Variants in WRN observed in about 807,000 individuals in gnomAD.
WRN encodes WRN RecQ like helicase, also known as bifunctional 3'-5' exonuclease/ATP-dependent helicase WRN.
WRN carries 149 observed loss-of-function variants against 180.7 expected under a neutral mutation model. That is an observed-to-expected ratio of 0.82 (90% confidence interval 0.72 to 0.94). The LOEUF is 0.94. WRN is among the 40% of genes least tolerant of loss of function. The pLI is 0.00. For missense variants in WRN, 1,661 were observed against 1,700.1 expected, an observed-to-expected ratio of 0.98 and a Z score of 0.40; for synonymous variants, 548 against 568.9, an observed-to-expected ratio of 0.96 and a Z score of 0.52.
chr8:31,127,782 G>A (rs911308077), intron 23 of WRN, among the ~76,000 whole-genome samples: 7 of 151,962 alleles, frequency 4.6e-5, no homozygotes, highest in Non-Finnish European at 1.0e-4. Context: ...AAATTAGCTA[G>A]GCATAGCATT....
chr8:31,067,173 T>A lies in WRN; in HGVS notation c.645T>A (p.Thr215=), dbSNP rs746256937. The part of the protein sequence containing the change: ...LTEDQKLYAA[T]DAYAGFIIYR... Reference sequence around the variant, plus strand: ...AGGACCAGAAACTGTATGCAGCCACTGATGCTTATGTACGTGCTTAAAGAT... The same window carrying A: ...AGGACCAGAAACTGTATGCAGCCACAGATGCTTATGTACGTGCTTAAAGAT... The change falls in exon 6 of 35, where the codon ACT becomes ACA. Residue 215 remains threonine, a synonymous_variant. Coordinates refer to ENST00000298139, the MANE Select transcript of WRN (RefSeq NM_000553.6). The A allele has an allele frequency of 3.7e-6, 6 of 1,613,734 alleles. No homozygotes were observed. The South Asian group carries it at 6.6e-5, about 18-fold the overall frequency.
At chr8:31,145,745 A>G (rs1802834377) in intron 28 of WRN, among the ~76,000 whole-genome samples, 2 of 152,150 alleles carry the variant, frequency 1.3e-5, no homozygotes, top group African/African-American at 2.4e-5. Flanking sequence ...AATATTCACT[A>G]TTCTAGAAGT....
At chr8:31,076,842 T>C (rs1170803808) in intron 8 of WRN, among the ~76,000 whole-genome samples, 1 of 152,194 alleles carries the variant, frequency 6.6e-6, no homozygotes, top group Non-Finnish European at 1.5e-5. Flanking sequence ...ACTAGGTAAC[T>C]TAAAAAATTT....
rs183710459 is a variant in WRN, at chr8:31,087,533, A to G, written c.1432-243A>G. 370 of 434,868 alleles carry G rather than the reference A, an allele frequency of 8.5e-4. 2 individuals carry two copies. The highest frequency in any genetic ancestry group is 7.0e-3 in the African/African-American group (353 of 50,476). 26.9% of individuals were successfully genotyped at this position (434,868 alleles called of 1,614,324 possible). ...TGATAGCTTTCCCCAGGGGCAGTTT[A>G]TTATATGCTATTAATGAGCCTTGTT... On this transcript the variant is annotated intron_variant, in intron 11 of 34. Transcript: ENST00000298139.
In WRN at chr8:31,120,241, A is replaced by C. The variant is rs1585483030; in HGVS notation, c.2449-2A>C. 2 of 1,612,508 alleles carry C rather than the reference A, an allele frequency of 1.2e-6. No homozygotes were observed. Among genetic ancestry groups the C allele is most frequent in the Non-Finnish European group, 1.7e-6 (2 of 1,178,732 alleles). ...TCAAACTGTGTTGTGATTTGTTCTC[A>C]GTGTGTCATAGCTACCATAGCTTTT... On this transcript the variant is annotated splice_acceptor_variant, in intron 20 of 34. Coordinates refer to ENST00000298139, the MANE Select transcript of WRN (RefSeq NM_000553.6). LOFTEE classifies it high-confidence loss of function.
rs750737389 is a variant in WRN, at chr8:31,147,107, G to A, written c.3438G>A (p.Ser1146=). The A allele has an allele frequency of 9.3e-6, 15 of 1,613,570 alleles. No homozygotes were observed. The highest frequency in any genetic ancestry group is 2.2e-5 in the South Asian group (2 of 91,054). ...ACAGTTCCTCACAGCCTGTTATTTC[G>A]GCACAAGAGCAGGAGACTCAGGTAA... The part of the protein sequence containing the change: ...KAYSSSQPVI[S]AQEQETQIVL... Residue 1146 remains serine (S), a synonymous_variant, in exon 29 of 35, where the codon TCG becomes TCA. Transcript: ENST00000298139.
intron 16 of WRN, among the ~76,000 whole-genome samples, chr8:31,093,603 T>C (rs1385539557): frequency 6.6e-6 from 1 of 152,204 alleles, no homozygotes; most frequent in African/African-American, 2.4e-5. Flanking sequence ...TCTAAGCATT[T>C]TAAATCACCT....
intron 7 of WRN, among the ~76,000 whole-genome samples, chr8:31,069,173 A>T (rs1812817846): frequency 6.6e-6 from 1 of 152,266 alleles, no homozygotes; most frequent in Admixed American, 6.5e-5. Context: ...GATGTTAATT[A>T]AATTAGGCCA....
At chr8:31,093,287 G>A (rs1038204467) in intron 16 of WRN, among the ~76,000 whole-genome samples, 25 of 152,104 alleles carry the variant, frequency 1.6e-4, no homozygotes, top group Admixed American at 1.4e-3. Flanking sequence ...TGACTGGATC[G>A]TGTGGTGGAT....
At chr8:31,127,681 G>A (rs1801980850) in intron 23 of WRN, among the ~76,000 whole-genome samples, 3 of 152,128 alleles carry the variant, frequency 2.0e-5, no homozygotes, top group Admixed American at 2.0e-4. Flanking sequence ...GGAGGCTGAG[G>A]TGGGAGGATC....
intron 30 of WRN, 48 bp from the exon 31 acceptor site, chr8:31,150,293 G>A: frequency 6.9e-7 from 1 of 1,449,030 alleles, no homozygotes; most frequent in Non-Finnish European, 9.7e-7. Flanking sequence ...TACTGTTTCA[G>A]TGGTTTCTTG....
chr8:31,042,784 G>C (rs921413560), intron 1 of WRN, among the ~76,000 whole-genome samples: 1 of 152,180 alleles, frequency 6.6e-6, no homozygotes, highest in Non-Finnish European at 1.5e-5. Flanking sequence ...CTATCCTATA[G>C]AAATGATAGG....
chr8:31,059,127 C>T (rs765851196), intron 2 of WRN, 26 bp from the exon 3 acceptor site: 2 of 1,538,296 alleles, frequency 1.3e-6, no homozygotes, highest in African/African-American at 1.4e-5. Context: ...AACTTTGTGC[C>T]TGTTTTGAAA....
rs1802735524 is a variant in WRN at position 31,143,362 on chromosome 8, A to G, written c.3310-188A>G. Among the ~76,000 whole-genome samples, 15 of 152,268 alleles carry G rather than the reference A, an allele frequency of 9.9e-5. No homozygotes were observed. The South Asian group carries it at 3.1e-3, about 32-fold the overall frequency. On this transcript the variant is annotated intron_variant, in intron 27 of 34. Coordinates refer to ENST00000298139, the MANE Select transcript of WRN (RefSeq NM_000553.6). ...AGTTTTGGGAGAGATAAGACATTGG[A>G]ATGCGTTTCTAACTACCTTTAGAAC...
chr8:31,168,236 GA>G (rs1332828999), intron 34 of WRN, among the ~76,000 whole-genome samples: 4 of 151,994 alleles, frequency 2.6e-5, no homozygotes, highest in African/African-American at 7.2e-5. Context: ...GAACATTAAA[GA>G]AAACATATTT....
At chr8:31,138,976 G>T (rs1374381330) in intron 24 of WRN, among the ~76,000 whole-genome samples, 1 of 152,070 alleles carries the variant, frequency 6.6e-6, no homozygotes, top group African/African-American at 2.4e-5. Context: ...AGTAGTAAAT[G>T]ACATAAGCAT....
chr8:31,094,445 A>T (rs1194425235), intron 16 of WRN, among the ~76,000 whole-genome samples: 1 of 151,262 alleles, frequency 6.6e-6, no homozygotes, highest in African/African-American at 2.4e-5. Flanking sequence ...TCCTGGGCTC[A>T]ATTGATCCTC....
At chr8:31,050,627 G>T (rs1812046705) in intron 1 of WRN, among the ~76,000 whole-genome samples, 1 of 151,286 alleles carries the variant, frequency 6.6e-6, no homozygotes, top group African/African-American at 2.4e-5. Context: ...CAACACTAGA[G>T]CAGTCTGCAT....
intron 1 of WRN, among the ~76,000 whole-genome samples, chr8:31,046,204 G>A (rs780756772): frequency 6.6e-6 from 1 of 151,982 alleles, no homozygotes; most frequent in African/African-American, 2.4e-5. Flanking sequence ...TCCTTATTTT[G>A]CATCTGGTAC....
Sources: gnomAD v4.1 joint callset for allele counts (sites outside exome capture counted in the v4.1 genomes callset) on GRCh38, gnomAD v4.1.1 for gene constraint, MANE v1.5 for transcripts, NCBI Gene and HGNC (gene_info 2026-07-23, HGNC 2026-07-21) for gene names.